Variants in KIF27 observed in about 807,000 individuals in gnomAD.
The protein encoded by KIF27 is kinesin family member 27, also known as kinesin-like protein KIF27.
Under a neutral mutation model 141.8 loss-of-function variants are expected in KIF27, and 84 were observed. The ratio of observed to expected loss-of-function variants is 0.59; its 90% CI spans 0.50 to 0.71. The LOEUF is 0.71. KIF27 is among the 30% of genes least tolerant of loss of function. The pLI is 0.00. For missense variants in KIF27, 1,306 were observed against 1,628.4 expected (o/e 0.80, Z 3.41); for synonymous variants, 471 against 569.5 (o/e 0.83, Z 2.46).
chr9:83,915,175 T>C (rs1955566692), intron 2 of KIF27, 119 bp downstream of exon 2: 2 of 739,846 alleles, frequency 2.7e-6, no homozygotes, highest in Admixed American at 6.1e-5. Context: ...TTTGATTACA[T>C]GATTCATTCC....
At chr9:83,902,257 T>C (rs1408806179) in intron 4 of KIF27, among the ~76,000 whole-genome samples, 3 of 152,216 alleles carry the variant, frequency 2.0e-5, no homozygotes, top group Non-Finnish European at 4.4e-5. Context: ...TAAAAAGCTA[T>C]CTTTTTAAGT....
intron 3 of KIF27, among the ~76,000 whole-genome samples, chr9:83,906,913 CAT>C (rs910720946): frequency 6.6e-5 from 10 of 151,844 alleles, no homozygotes; most frequent in South Asian, 2.1e-4. Flanking sequence ...AATATTTAAA[CAT>C]ATGTGAAAAT....
chr9:83,907,019 G>A (rs555155666), intron 3 of KIF27, among the ~76,000 whole-genome samples: 2 of 152,078 alleles, frequency 1.3e-5, no homozygotes, highest in African/African-American at 4.8e-5. Flanking sequence ...GGCCAGGCAT[G>A]GTGGCTCATG....
At chr9:83,880,521 T>C (rs1951589031) in intron 10 of KIF27, 27 bp from the exon 11 acceptor site, 1 of 1,523,318 alleles carries the variant, frequency 6.6e-7, no homozygotes, top group African/African-American at 1.4e-5. Context: ...TATTTCAAAA[T>C]GAAAAACTGA....
At chr9:83,894,525 C>T (rs1952984960) in intron 5 of KIF27, among the ~76,000 whole-genome samples, 1 of 152,206 alleles carries the variant, frequency 6.6e-6, no homozygotes, top group African/African-American at 2.4e-5. Context: ...TGCTGTACAC[C>T]TGCTTTCCTT....
intron 5 of KIF27, among the ~76,000 whole-genome samples, chr9:83,893,895 AGT>A (rs1434801828): frequency 1.3e-5 from 2 of 152,124 alleles, no homozygotes; most frequent in Non-Finnish European, 1.5e-5. Flanking sequence ...AAGAAAAAAA[AGT>A]GAGAGAAGGC....
chr9:83,843,114 A>G (rs1276521718), intron 16 of KIF27, among the ~76,000 whole-genome samples: 2 of 149,738 alleles, frequency 1.3e-5, no homozygotes, highest in Non-Finnish European at 1.5e-5. Flanking sequence ...AAAAAGTCAC[A>G]TGACTAGGAT....
At chr9:83,876,134 CATT>C (rs1267585284) in intron 11 of KIF27, among the ~76,000 whole-genome samples, 2 of 151,930 alleles carry the variant, frequency 1.3e-5, no homozygotes, top group African/African-American at 4.8e-5. Context: ...TTATGAATAT[CATT>C]ATTATTATTA....
intron 16 of KIF27, among the ~76,000 whole-genome samples, chr9:83,848,063 T>TATGATATATCAG (rs1554764498): frequency 9.6e-5 from 1 of 10,396 alleles, no homozygotes; most frequent in Non-Finnish European, 1.9e-4. Flanking sequence ...CTATATATCA[T>TATGATATATCAG]ATATATGATA....
chr9:83,863,571 G>C (rs1182021205), intron 13 of KIF27: 1 of 152,088 alleles, frequency 6.6e-6, no homozygotes, highest in Non-Finnish European at 1.5e-5. Flanking sequence ...TGCTGGATTC[G>C]GTTTGCCAGT....
At chr9:83,887,484 T>A (rs2132305445) in intron 8 of KIF27, among the ~76,000 whole-genome samples, 1 of 152,326 alleles carries the variant, frequency 6.6e-6, no homozygotes, top group Non-Finnish European at 1.5e-5. Context: ...ACATGAGTTA[T>A]TTGAGATAGG....
chr9:83,861,479 T>C (rs987611784), intron 13 of KIF27, among the ~76,000 whole-genome samples: 1 of 152,212 alleles, frequency 6.6e-6, no homozygotes, highest in African/African-American at 2.4e-5. Context: ...GGTTTCCAGC[T>C]TCATCCATGT....
At chr9:83,892,240 A>G (rs560975763) in intron 5 of KIF27, among the ~76,000 whole-genome samples, 1 of 152,106 alleles carries the variant, frequency 6.6e-6, no homozygotes, top group Non-Finnish European at 1.5e-5. Flanking sequence ...TTGAAATAGG[A>G]AAAAAAACCT....
At chr9:83,856,108 G>C (rs977499283) in intron 14 of KIF27, among the ~76,000 whole-genome samples, 1 of 152,078 alleles carries the variant, frequency 6.6e-6, no homozygotes. Context: ...CTTTATGATA[G>C]AGCACTGCTT....
rs752573126 is a variant in KIF27 at position 83,903,057 on chromosome 9, T to C, written c.1458+3A>G. On this transcript the variant is annotated splice_donor_region_variant and intron_variant, in intron 4 of 17. Transcript: ENST00000297814. Reference sequence around the variant, plus strand: ...AATAAATAAATAAGTGATGTCTAAGTACCTGGCATTTCTTAAGCTCTCTCT... The same window carrying C: ...AATAAATAAATAAGTGATGTCTAAGCACCTGGCATTTCTTAAGCTCTCTCT... 18 of 1,568,344 alleles carry C rather than the reference T, an allele frequency of 1.1e-5. No individual in the cohort carries two copies. Among genetic ancestry groups the C allele is most frequent in the East Asian group, 6.7e-5 (3 of 44,582 alleles).
chr9:83,871,292 C>T lies in KIF27; in HGVS notation c.2644-660G>A, dbSNP rs572936976. Among the ~76,000 whole-genome samples the T allele has an allele frequency of 9.2e-5, 14 of 152,138 alleles. No homozygotes were observed. In the South Asian group the frequency reaches 2.3e-3, roughly 25 times the overall value. On this transcript the variant is annotated intron_variant, in intron 11 of 17. Coordinates refer to ENST00000297814, the MANE Select transcript of KIF27 (RefSeq NM_017576.4). Reference sequence around the variant, plus strand: ...ACAGTGATTATTTCAATACATATAACGTATAGTGATCAGACCAGGATAATT... The same window carrying T: ...ACAGTGATTATTTCAATACATATAATGTATAGTGATCAGACCAGGATAATT...
intron 17 of KIF27, among the ~76,000 whole-genome samples, chr9:83,841,999 C>T (rs1056338162): frequency 6.6e-6 from 1 of 152,200 alleles, no homozygotes; most frequent in African/African-American, 2.4e-5. Flanking sequence ...ATAAGGTCTA[C>T]AAGCCCCTGG....
Position 83,902,994 on chromosome 9 carries a change from A to C in KIF27, c.1458+66T>G, listed in dbSNP as rs1744992672. The C allele has an allele frequency of 3.0e-6, 3 of 1,016,806 alleles. No homozygotes were observed. The South Asian group carries it at 5.6e-5, about 19-fold the overall frequency. 63.0% of individuals were successfully genotyped at this position (1,016,806 alleles called of 1,614,324 possible). A position where few individuals can be genotyped will look rare whatever the true frequency, so the allele number is the denominator to read the frequency against. On this transcript the variant is annotated intron_variant, in intron 4 of 17. Transcript: ENST00000297814. ...TAAATATGTTAACACATGTACCCCC[A>C]AAATATGTACATCTATTATGTATCA... is the stretch of plus-strand genomic sequence containing the variant.
Position 83,903,501 on chromosome 9 carries a change from C to T in KIF27, c.1017G>A (p.Arg339=), listed in dbSNP as rs765883135. Residue 339 remains arginine (R), a synonymous_variant, in exon 4 of 18, where the codon CGG becomes CGA. Coordinates refer to ENST00000297814, the MANE Select transcript of KIF27 (RefSeq NM_017576.4). ...TTACAGTGGGTTTGTTTCTAATGTT[C>T]CGTGCTCTGTTGGCATATTTGAGAG... ...LNSLKYANRA[R]NIRNKPTVNF... 1 of 1,614,078 alleles carries T rather than the reference C, an allele frequency of 6.2e-7. No individual in the cohort carries two copies. The highest frequency in any genetic ancestry group is 8.5e-7 in the Non-Finnish European group (1 of 1,180,020).
Sources: gnomAD v4.1 joint callset for allele counts (sites outside exome capture counted in the v4.1 genomes callset) on GRCh38, gnomAD v4.1.1 for gene constraint, MANE v1.5 for transcripts, NCBI Gene and HGNC (gene_info 2026-07-23, HGNC 2026-07-21) for gene names.